Variants in VWA5A observed in about 807,000 individuals in gnomAD.
VWA5A encodes von Willebrand factor A domain-containing protein 5A.
VWA5A carries 77 observed loss-of-function variants against 84.6 expected under a neutral mutation model. The ratio of observed to expected loss-of-function variants is 0.91; its 90% confidence interval spans 0.76 to 1.10. VWA5A has a LOEUF of 1.10. VWA5A is among the 50% of genes least tolerant of loss of function. The pLI is 0.00. For synonymous variants in VWA5A, 334 were observed against 350.1 expected (o/e 0.95, Z 0.51); for missense variants, 973 against 963.0 (o/e 1.01, Z -0.14).
intron 12 of VWA5A, 83 bp from the exon 13 acceptor site, chr11:124,136,046 C>G: frequency 3.6e-5 from 51 of 1,406,524 alleles, no homozygotes; most frequent in Non-Finnish European, 5.0e-5. Context: ...TGTATCACAT[C>G]TGATACATAA....
chr11:124,117,792 A>G lies in VWA5A; in HGVS notation c.163A>G (p.Met55Val), dbSNP rs767909087. ...VPLEAFFVFP[M>V]DEDSAVYSFE... is the part of the protein sequence containing the mutation. ...TTTGGAGGCCTTCTTTGTGTTCCCC[A>G]TGGATGAAGACTCTGCTGTTTACAG... The change falls in exon 4 of 19, where the codon ATG (methionine) becomes GTG (valine). Residue 55 changes from methionine (M) to valine (V), a missense_variant. Met to Val is a conservative substitution (Grantham distance 21). Transcript: ENST00000456829. 2.5e-5 allele frequency: 40 copies of G among 1,614,084 alleles called. No homozygotes were observed. The highest frequency in any genetic ancestry group is 1.6e-4 in the Middle Eastern group (1 of 6,084).
intron 11 of VWA5A, among the ~76,000 whole-genome samples, chr11:124,127,143 AT>A (rs1362637182): frequency 6.6e-6 from 1 of 152,060 alleles, no homozygotes; most frequent in Admixed American, 6.6e-5. Context: ...TGCATTAGAT[AT>A]TTCTAATTCT....
In VWA5A at chr11:124,117,844, A is replaced by C; in HGVS notation, c.215A>C (p.Lys72Thr). The C allele has an allele frequency of 6.2e-7, 1 of 1,614,210 alleles. No individual in the cohort carries two copies. The highest frequency in any genetic ancestry group is 8.5e-7 in the Non-Finnish European group (1 of 1,180,036). Residue 72 changes from lysine (K) to threonine (T), a missense_variant, in exon 4 of 19, where the codon AAA (lysine) becomes ACA (threonine). By Grantham distance (78) the Lys-to-Thr change is moderately conservative. Transcript: ENST00000456829. The part of the protein sequence containing the change: ...YSFEALVDGK[K>T]IVAELQDKMK... ...TTTGAGGCCTTGGTGGATGGGAAGA[A>C]AATTGTAGCAGAATTACAAGACAAG...
chr11:124,123,936 A>C, intron 10 of VWA5A, 132 bp downstream of exon 10: 1 of 1,287,126 alleles, frequency 7.8e-7, no homozygotes, highest in Non-Finnish European at 1.0e-6. Context: ...AGTAAACAGA[A>C]AAAAAAAAGA....
rs767019021 is a variant in VWA5A at position 124,119,074 on chromosome 11, C to G, written c.745C>G (p.Pro249Ala). The change falls in exon 7 of 19, where the codon CCT (proline) becomes GCT (alanine). Residue 249 changes from proline (P) to alanine (A), a missense_variant. Coordinates refer to ENST00000456829, the MANE Select transcript of VWA5A (RefSeq NM_001130142.2). ...CAGCGTGGTTTTGGAGATGGGGATG[C>G]CTAACATGAAGCCAGGTATTTTCTT... ...TPSVVLEMGM[P>A]NMKPGHLMGD... is the part of the protein sequence containing the mutation. 2 of 1,613,990 alleles carry G rather than the reference C, an allele frequency of 1.2e-6. No homozygotes were observed. Among genetic ancestry groups the G allele is most frequent in the Non-Finnish European group, 1.7e-6 (2 of 1,179,926 alleles).
rs1307087934 is a variant in VWA5A at position 124,123,335 on chromosome 11, A to C, written c.931-31A>C. The C allele has an allele frequency of 3.1e-6, 5 of 1,601,872 alleles. No homozygotes were observed. In the East Asian group the frequency reaches 1.1e-4, roughly 36 times the overall value. On this transcript the variant is annotated intron_variant, in intron 8 of 18. Transcript: ENST00000456829. ...CCATGTGTTTTGGCGAGCCTCTCTC[A>C]CTCTGTCTCTTCATACTCTCTTACC...
At chr11:124,117,626 G>A in intron 3 of VWA5A, 47 bp from the exon 4 acceptor site, 1 of 1,614,120 alleles carries the variant, frequency 6.2e-7, no homozygotes, top group South Asian at 1.1e-5. Flanking sequence ...TCTACAAGGA[G>A]GCAATCTATT....
Position 124,147,001 on chromosome 11 carries a change from A to T in VWA5A, c.*1056A>T, listed in dbSNP as rs572538734. On this transcript the variant is annotated 3_prime_UTR_variant, in exon 19 of 19. Transcript: ENST00000456829. ...GAAGCCAAACTAGGATAGTAAATTG[A>T]CCGGAACACAGTTGTGGAAATTTGA... is the stretch of plus-strand genomic sequence containing the variant. 1 of 166,956 alleles carries T rather than the reference A, an allele frequency of 6.0e-6. No individual in the cohort carries two copies. Among genetic ancestry groups the T allele is most frequent in the East Asian group, 1.9e-4 (1 of 5,186 alleles). The allele number at this position is 166,956 out of a possible 1,614,324, so 10.3% of individuals were successfully genotyped here. A position where few individuals can be genotyped will look rare whatever the true frequency, so the allele number is the denominator to read the frequency against.
chr11:124,119,214 T>C (rs1864893174), intron 7 of VWA5A, 125 bp downstream of exon 7: 6 of 845,966 alleles, frequency 7.1e-6, no homozygotes, highest in Admixed American at 4.8e-5. Flanking sequence ...AACACTGAAA[T>C]AGTTTACACT....
At chr11:124,136,758 C>G (rs878921700) in intron 14 of VWA5A, 84 bp downstream of exon 14, 4 of 734,132 alleles carry the variant, frequency 5.4e-6, no homozygotes, top group Non-Finnish European at 8.5e-6. Flanking sequence ...CATTCCCTCC[C>G]TCCCTCCCTC....
chr11:124,124,438 T>C, intron 11 of VWA5A, 122 bp downstream of exon 11: 1 of 1,415,466 alleles, frequency 7.1e-7, no homozygotes, highest in Non-Finnish European at 9.2e-7. Flanking sequence ...AATTTAGTTT[T>C]AGCAGCTGAA....
At chr11:124,137,429 A>G (rs1860631158) in intron 15 of VWA5A, among the ~76,000 whole-genome samples, 161 bp downstream of exon 15, 1 of 152,224 alleles carries the variant, frequency 6.6e-6, no homozygotes, top group African/African-American at 2.4e-5. Context: ...TTTCTGTCCC[A>G]GGGAACTAGA....
chr11:124,143,936 A>C (rs1261736040), intron 17 of VWA5A, among the ~76,000 whole-genome samples: 1 of 152,136 alleles, frequency 6.6e-6, no homozygotes, highest in Non-Finnish European at 1.5e-5. Context: ...AATGATGAGA[A>C]CATGGACCAA....
Position 124,123,795 on chromosome 11 carries a change from C to T in VWA5A, c.1155C>T (p.His385=), listed in dbSNP as rs1167459996. 1.9e-6 allele frequency: 3 copies of T among 1,575,188 alleles called. No individual in the cohort carries two copies. The highest frequency in any genetic ancestry group is 1.4e-5 in the African/African-American group (1 of 73,554). Residue 385 remains histidine (H), a synonymous_variant, in exon 10 of 19, where the codon CAC becomes CAT. Transcript: ENST00000456829. ...NIYRGPSIPG[H]PLQLFVFTDG... The stretch of plus-strand genomic sequence containing the variant: ...ACAGGGGACCCTCCATCCCAGGCCA[C>T]CCCCTACAGGTAAGAAGTGGAACAG...
chr11:124,116,561 C>T lies in VWA5A; in HGVS notation c.-130-5C>T, dbSNP rs1864833311. On this transcript the variant is annotated splice_polypyrimidine_tract_variant and splice_region_variant and intron_variant, in intron 1 of 18. Transcript: ENST00000456829. ...TGTGTTATTAGAAATTCTTCCCTCC[C>T]CCAGCCCAGCCTGTTCTACCAGAGA... 1 of 152,336 alleles carries T rather than the reference C, an allele frequency of 6.6e-6. No homozygotes were observed. The highest frequency in any genetic ancestry group is 6.5e-5 in the Admixed American group (1 of 15,286). 9.4% of individuals were successfully genotyped at this position (152,336 alleles called of 1,614,324 possible).
At chr11:124,127,420 TG>T (rs1220657595) in intron 11 of VWA5A, among the ~76,000 whole-genome samples, 8 of 152,234 alleles carry the variant, frequency 5.3e-5, no homozygotes, top group African/African-American at 1.9e-4. Context: ...CTATCATTGA[TG>T]GGCATTTGGG....
rs780621177 is a variant in VWA5A at position 124,118,996 on chromosome 11, A to G, written c.667A>G (p.Lys223Glu). Residue 223 changes from lysine (K) to glutamate (E), a missense_variant, in exon 7 of 19, where the codon AAG becomes GAG. Lys to Glu is a moderately conservative substitution (Grantham distance 56). Coordinates refer to ENST00000456829, the MANE Select transcript of VWA5A (RefSeq NM_001130142.2). Reference protein sequence around the residue: ...SAQVSLAAGHKFDRDVELLIY... With the variant: ...SAQVSLAAGHEFDRDVELLIY... Reference sequence around the variant, plus strand: ...TCAGGTTTCCCTGGCTGCTGGACACAAGTTTGATCGGGACGTGGAACTCCT... The same window carrying G: ...TCAGGTTTCCCTGGCTGCTGGACACGAGTTTGATCGGGACGTGGAACTCCT... 236 of 1,614,032 alleles carry G rather than the reference A, an allele frequency of 1.5e-4. 1 individual carries two copies. The Admixed American group carries it at 3.9e-3, about 27-fold the overall frequency.
chr11:124,145,752 A>G, intron 18 of VWA5A, 114 bp from the exon 19 acceptor site: 1 of 1,080,708 alleles, frequency 9.3e-7, no homozygotes, highest in Non-Finnish European at 1.3e-6. Flanking sequence ...GAAAAGAAAA[A>G]GCAGGGATAT....
chr11:124,142,183 T>TCAGCTCACA lies in VWA5A; in HGVS notation c.2024-253_2024-245dup, dbSNP rs1860742413. ...AGTCGAACAAACCCCCTTGGCCATCTCAGCTCACACAGCTTGCCTGCGGGC... is the reference window on the plus strand; with the variant it reads ...AGTCGAACAAACCCCCTTGGCCATCTCAGCTCACACAGCTCACACAGCTTGCCTGCGGGC... On this transcript the variant is annotated intron_variant, in intron 16 of 18. Transcript: ENST00000456829. Among the ~76,000 whole-genome samples the TCAGCTCACA allele has an allele frequency of 2.0e-5, 3 of 152,142 alleles. No individual in the cohort carries two copies. The South Asian group carries it at 6.2e-4, about 32-fold the overall frequency.
Sources: allele counts gnomAD v4.1 joint callset (sites outside exome capture counted in the v4.1 genomes callset), GRCh38; gene constraint gnomAD v4.1.1; transcripts MANE v1.5; gene names NCBI Gene and HGNC (gene_info 2026-07-23, HGNC 2026-07-21).